EMG1: variants seen among roughly 807,000 people sequenced by gnomAD.
EMG1 encodes EMG1 N1-specific pseudouridine methyltransferase.
In EMG1, 24 loss-of-function variants were observed where a neutral mutation model predicts 26.9. That is an observed-to-expected ratio of 0.89 (90% CI 0.65 to 1.26). The LOEUF (loss-of-function observed/expected upper bound fraction) is 1.26. Among genes scored for constraint, EMG1 ranks in the 50% most tolerant of loss-of-function variants. The pLI, the probability that EMG1 is intolerant of heterozygous loss-of-function variation, is 0.00. For synonymous variants in EMG1, 140 were observed against 112.6 expected (o/e 1.24, Z -1.54); for missense variants, 299 against 307.6 (o/e 0.97, Z 0.21).
downstream of EMG1, chr12:6,982,829 G>T: frequency 8.0e-7 from 1 of 1,247,744 alleles, no homozygotes; most frequent in Non-Finnish European, 1.2e-6. Context: ...CACTCCCACC[G>T]TCCTGAGACT....
At chr12:6,980,451 A>G (rs61170325), downstream of EMG1, among the ~76,000 whole-genome samples, 26,583 of 151,992 alleles carry the variant, frequency 0.17, 4,019 homozygotes, top group African/African-American at 0.41. Context: ...CCTCCCCTGG[A>G]CTCAAGCAAT....
At chr12:6,983,150 C>A, downstream of EMG1, 1 of 471,172 alleles carries the variant, frequency 2.1e-6, no homozygotes, top group South Asian at 1.9e-5. Flanking sequence ...GACTGCTTGG[C>A]TCGGTCATTC....
downstream of EMG1, chr12:6,983,067 G>C (rs1555154352): frequency 3.6e-6 from 2 of 551,556 alleles, no homozygotes; most frequent in Non-Finnish European, 6.8e-6. Context: ...CTGCAGCCTT[G>C]AATTCCGGGC....
At chr12:6,972,265 G>A (rs1946340132) in intron 1 of EMG1, among the ~76,000 whole-genome samples, 1 of 151,896 alleles carries the variant, frequency 6.6e-6, no homozygotes, top group African/African-American at 2.4e-5. Context: ...CCTACTAATG[G>A]GTTGAAACTG....
downstream of EMG1, chr12:6,982,584 T>A (rs782661469): frequency 1.1e-6 from 1 of 898,256 alleles, no homozygotes; most frequent in South Asian, 1.4e-5. Flanking sequence ...AGAAATTAGG[T>A]CTGCTAATTT....
rs1374676581 is a variant in EMG1, at chr12:6,979,470, C to T, written c.*3661C>T. The T allele has an allele frequency of 3.1e-6, 5 of 1,604,916 alleles. No individual in the cohort carries two copies. The highest frequency in any genetic ancestry group is 2.2e-5 in the East Asian group (1 of 44,854). ...CTGCTGCTGCTTTAGTAGACACTCACGTCATAGTCTTCAGTGAGGAGATAG... is the reference window on the plus strand; with the variant it reads ...CTGCTGCTGCTTTAGTAGACACTCATGTCATAGTCTTCAGTGAGGAGATAG... On this transcript the variant is annotated 3_prime_UTR_variant, in exon 6 of 6. Transcript: ENST00000599672.
downstream of EMG1, chr12:6,981,696 A>G: frequency 1.9e-6 from 2 of 1,062,798 alleles, no homozygotes; most frequent in Admixed American, 3.7e-5. Context: ...TGGCCTGTAG[A>G]CTGAGTGCAG....
chr12:6,996,825 G>A (rs1946639545), intron 7 of EMG1, among the ~76,000 whole-genome samples: 1 of 152,200 alleles, frequency 6.6e-6, no homozygotes, highest in Non-Finnish European at 1.5e-5. Context: ...GTCGGGAGAA[G>A]TAGTTCTTGA....
chr12:6,974,197 A>G (rs1946365231), intron 1 of EMG1, 142 bp from the exon 2 acceptor site: 1 of 641,764 alleles, frequency 1.6e-6, no homozygotes, highest in African/African-American at 1.8e-5. Context: ...CTGGTTTAGT[A>G]GGTCTAGGGT....
rs1946377814 is a variant in EMG1, at chr12:6,975,078, T to TC, written c.413-7dup. ...CTCCATCTAGCTCTGAACTCTTTTT[T>TC]CCCCCTTCTAGTTCAACTTTTACAC... is the stretch of plus-strand genomic sequence containing the variant. On this transcript the variant is annotated splice_polypyrimidine_tract_variant and intron_variant, in intron 3 of 5. Coordinates refer to ENST00000599672, the MANE Select transcript of EMG1 (RefSeq NM_006331.8). The TC allele has an allele frequency of 1.2e-6, 2 of 1,613,744 alleles. No homozygotes were observed. Among genetic ancestry groups the TC allele is most frequent in the African/African-American group, 1.3e-5 (1 of 74,924 alleles).
At chr12:6,996,815 G>C (rs1177591752) in intron 7 of EMG1, among the ~76,000 whole-genome samples, 1 of 152,212 alleles carries the variant, frequency 6.6e-6, no homozygotes, top group Non-Finnish European at 1.5e-5. Context: ...GACCACAGTG[G>C]TCGGGAGAAG....
Position 6,975,213 on chromosome 12 carries a change from C to T in EMG1, c.472-16C>T, listed in dbSNP as rs1555152934. The T allele has an allele frequency of 6.2e-7, 1 of 1,613,950 alleles. No individual in the cohort carries two copies. Among genetic ancestry groups the T allele is most frequent in the Middle Eastern group, 1.7e-4 (1 of 6,060 alleles). On this transcript the variant is annotated splice_polypyrimidine_tract_variant and intron_variant, in intron 4 of 5. Transcript: ENST00000599672. ...GAATGTTTCTGGGGCTGACTTTTCT[C>T]TCTTTTTTACTTTAGGTAATTAAGA...
Position 6,977,994 on chromosome 12 carries a change from A to G in EMG1, c.*2185A>G, listed in dbSNP as rs782074805. ...AGCAGTGACTGAGGCTGATGCTGAGATCAGTGGTGAACCAGACACTCTACT... is the reference window on the plus strand; with the variant it reads ...AGCAGTGACTGAGGCTGATGCTGAGGTCAGTGGTGAACCAGACACTCTACT... On this transcript the variant is annotated 3_prime_UTR_variant, in exon 6 of 6. Transcript: ENST00000599672. This position sits in a 1 kb window ranked among gnomAD's most constrained non-coding sequence, Gnocchi z 4.5. The G allele has an allele frequency of 1.2e-3, 672 of 567,976 alleles. 2 individuals carry two copies. Among genetic ancestry groups the G allele is most frequent in the Non-Finnish European group, 1.8e-3 (565 of 318,256 alleles). The allele number at this position is 567,976 out of a possible 1,614,324, so 35.2% of individuals were successfully genotyped here.
downstream of EMG1, among the ~76,000 whole-genome samples, chr12:6,980,219 T>G (rs1052029165): frequency 4.6e-5 from 7 of 151,982 alleles, no homozygotes; most frequent in African/African-American, 1.5e-4. Flanking sequence ...GGATAATTTT[T>G]TTTTGTAGAG....
downstream of EMG1, chr12:6,981,220 T>C (rs781895174): frequency 6.5e-7 from 1 of 1,539,990 alleles, no homozygotes; most frequent in South Asian, 1.2e-5. Context: ...AGGATAGCCT[T>C]GAATCTCCCC....
chr12:6,974,720 A>G (rs1946372911), intron 3 of EMG1, 27 bp downstream of exon 3: 4 of 1,613,416 alleles, frequency 2.5e-6, no homozygotes, highest in Non-Finnish European at 3.4e-6. Flanking sequence ...CAAAGTTAGA[A>G]TGAACTTGTC....
Position 6,977,335 on chromosome 12 carries a change from C to G in EMG1, c.*1526C>G. On this transcript the variant is annotated 3_prime_UTR_variant, in exon 6 of 6. Coordinates refer to ENST00000599672, the MANE Select transcript of EMG1 (RefSeq NM_006331.8). The surrounding 1 kb of genome is among the most constrained non-coding windows in gnomAD (Gnocchi z 4.5). ...GCAACCTTTGAGGTTGCAGTGAGTC[C>G]CTCCCAGTCTCACAAGCAGGCCTTC... 6.2e-7 allele frequency: 1 copy of G among 1,613,398 alleles called. No homozygotes were observed. Among genetic ancestry groups the G allele is most frequent in the Non-Finnish European group, 8.5e-7 (1 of 1,179,414 alleles).
At chr12:6,992,443 G>A (rs1338804953), downstream of EMG1, among the ~76,000 whole-genome samples, 4 of 152,198 alleles carry the variant, frequency 2.6e-5, no homozygotes, top group Non-Finnish European at 5.9e-5. Flanking sequence ...ACAGTTTGGT[G>A]TCACCGTCCT....
Position 6,977,499 on chromosome 12 carries a change from G to T in EMG1, c.*1690G>T. 4 of 1,614,206 alleles carry T rather than the reference G, an allele frequency of 2.5e-6. No individual in the cohort carries two copies. The highest frequency in any genetic ancestry group is 3.4e-6 in the Non-Finnish European group (4 of 1,180,038). Reference sequence around the variant, plus strand: ...TAATGGCGGCCAGCTTGCTCAGGGTGGGGCTCTCTTGAATGAGCCTGGCAG... The same window carrying T: ...TAATGGCGGCCAGCTTGCTCAGGGTTGGGCTCTCTTGAATGAGCCTGGCAG... On this transcript the variant is annotated 3_prime_UTR_variant, in exon 6 of 6. Transcript: ENST00000599672. This position sits in a 1 kb window ranked among gnomAD's most constrained non-coding sequence, Gnocchi z 4.5.
Sources: gnomAD v4.1 joint callset for allele counts (sites outside exome capture counted in the v4.1 genomes callset) on GRCh38, gnomAD v4.1.1 for gene constraint, Gnocchi (gnomAD v3.1) non-coding constraint, MANE v1.5 for transcripts, NCBI Gene and HGNC (gene_info 2026-07-23, HGNC 2026-07-21) for gene names.